Variants in ADCY8 observed in about 807,000 individuals in gnomAD.
ADCY8 encodes the protein adenylate cyclase type 8.
A neutral mutation model predicts 119.7 loss-of-function variants in ADCY8; 51 were observed. That is an observed-to-expected ratio of 0.43 (90% CI 0.34 to 0.54). The LOEUF is 0.54. Ranked by LOEUF, ADCY8 falls within the 20% of genes least tolerant of loss-of-function variation. ADCY8 has a pLI of 0.03. For missense variants in ADCY8, 1,383 were observed against 1,598.8 expected, an observed-to-expected ratio of 0.87 and a Z score of 2.30; for synonymous variants, 665 against 651.0, an observed-to-expected ratio of 1.02 and a Z score of -0.33.
intron 15 of ADCY8, among the ~76,000 whole-genome samples, chr8:130,798,415 G>A (rs1241844852): frequency 3.3e-5 from 5 of 152,178 alleles, no homozygotes; most frequent in Non-Finnish European, 7.3e-5. Flanking sequence ...TGGGGTAAGG[G>A]CGAGGATGGC....
intron 12 of ADCY8, among the ~76,000 whole-genome samples, chr8:130,831,062 C>T (rs992414756): frequency 6.6e-6 from 1 of 152,068 alleles, no homozygotes; most frequent in Non-Finnish European, 1.5e-5. Context: ...AGAAAAAAAC[C>T]ACATTAAATG....
chr8:130,872,753 G>C (rs144725174), intron 8 of ADCY8, among the ~76,000 whole-genome samples: 82 of 152,282 alleles, frequency 5.4e-4, no homozygotes, highest in African/African-American at 1.9e-3. Context: ...ACAAAAGACA[G>C]TAGATTTTAT....
rs1822606422 is a variant in ADCY8 at position 130,992,352 on chromosome 8, G to C, written c.961-1810C>G. Among the ~76,000 whole-genome samples the C allele has an allele frequency of 4.3e-5, 4 of 93,376 alleles. No homozygotes were observed. In the Admixed American group the frequency reaches 4.9e-4, roughly 11 times the overall value. The allele number at this position is 93,376 out of a possible 152,430, so 61.3% of individuals were successfully genotyped here. A position where few individuals can be genotyped will look rare whatever the true frequency, so the allele number is the denominator to read the frequency against. On this transcript the variant is annotated intron_variant, in intron 1 of 17. Coordinates refer to ENST00000286355, the MANE Select transcript of ADCY8 (RefSeq NM_001115.3). ...ATCCACCTTGACCTCTGAAAGTGCT[G>C]GGATTACATACATGAGCAACTGTAT...
At chr8:130,819,054 A>G (rs1283016086) in intron 13 of ADCY8, among the ~76,000 whole-genome samples, 3 of 152,224 alleles carry the variant, frequency 2.0e-5, no homozygotes, top group Non-Finnish European at 4.4e-5. Flanking sequence ...TTACAATTAT[A>G]TTCTCATATA....
intron 1 of ADCY8, among the ~76,000 whole-genome samples, chr8:131,005,356 T>G (rs1018162688): frequency 1.3e-5 from 2 of 152,210 alleles, no homozygotes; most frequent in African/African-American, 4.8e-5. Flanking sequence ...GCCTCCATAC[T>G]AAAGCACTGG....
At chr8:130,809,351 C>T (rs1200461788) in intron 14 of ADCY8, among the ~76,000 whole-genome samples, 1 of 152,168 alleles carries the variant, frequency 6.6e-6, no homozygotes, top group African/African-American at 2.4e-5. Context: ...ATAATAGTTC[C>T]TACCTCCTAT....
intron 8 of ADCY8, among the ~76,000 whole-genome samples, chr8:130,868,718 A>C (rs1203740257): frequency 2.0e-5 from 3 of 152,196 alleles, no homozygotes; most frequent in African/African-American, 7.2e-5. Context: ...AAGACCTTAG[A>C]ATTAGCCTAA....
At chr8:130,958,130 A>G (rs1271451743) in intron 2 of ADCY8, among the ~76,000 whole-genome samples, 1 of 152,190 alleles carries the variant, frequency 6.6e-6, no homozygotes, top group East Asian at 1.9e-4. Context: ...CATGTGGGAA[A>G]AGTGATGCTT....
At chr8:130,845,756 T>G in intron 11 of ADCY8, among the ~76,000 whole-genome samples, 1 of 152,124 alleles carries the variant, frequency 6.6e-6, no homozygotes, top group Admixed American at 6.5e-5. Flanking sequence ...TAGAGTCTAC[T>G]TTCTCCTCTA....
chr8:130,925,626 T>C (rs1820443267), intron 5 of ADCY8, among the ~76,000 whole-genome samples: 1 of 152,214 alleles, frequency 6.6e-6, no homozygotes, highest in African/African-American at 2.4e-5. Context: ...AGGCACTCTT[T>C]CAGGGAAGCT....
chr8:130,995,650 C>A (rs150181320), intron 1 of ADCY8, among the ~76,000 whole-genome samples: 1 of 151,966 alleles, frequency 6.6e-6, no homozygotes, highest in South Asian at 2.1e-4. Context: ...TCCTCTTCTT[C>A]GAACACTACT....
At chr8:130,837,625 G>A (rs1272875363) in intron 11 of ADCY8, among the ~76,000 whole-genome samples, 1 of 152,164 alleles carries the variant, frequency 6.6e-6, no homozygotes, top group Non-Finnish European at 1.5e-5. Flanking sequence ...GCCTTTTATG[G>A]GAAGCTCCCC....
At chr8:131,004,463 T>A (rs545527068) in intron 1 of ADCY8, among the ~76,000 whole-genome samples, 237 of 152,306 alleles carry the variant, frequency 1.6e-3, no homozygotes, top group Admixed American at 5.0e-3. Flanking sequence ...TCAAGCCTCA[T>A]CTTGGTCAAT....
intron 6 of ADCY8, 110 bp from the exon 7 acceptor site, chr8:130,904,152 G>A (rs936305130): frequency 3.6e-6 from 4 of 1,108,442 alleles, no homozygotes; most frequent in Non-Finnish European, 5.2e-6. Flanking sequence ...GTATTATTAG[G>A]ACATGTCCTC....
At chr8:130,847,901 A>G (rs1817382837) in intron 10 of ADCY8, among the ~76,000 whole-genome samples, 1 of 152,182 alleles carries the variant, frequency 6.6e-6, no homozygotes, top group African/African-American at 2.4e-5. Flanking sequence ...GAGGACTTGA[A>G]GAATCTGAAG....
At position 130,942,328 on chromosome 8, in the gene ADCY8, A is replaced by T. The variant is rs142183093; in HGVS notation, c.1353+1023T>A. 2.2e-3 allele frequency among the ~76,000 whole-genome samples: 342 copies of T among 152,308 alleles called. 1 individual carries two copies. Among genetic ancestry groups the T allele is most frequent in the Middle Eastern group, 6.8e-3 (2 of 294 alleles). The stretch of plus-strand genomic sequence containing the variant: ...CTCAGCTTAAGAGTCACTTTCTTCA[A>T]GAAGTCTTCTCTCATCTAAAGGTCA... On this transcript the variant is annotated intron_variant, in intron 4 of 17. Coordinates refer to ENST00000286355, the MANE Select transcript of ADCY8 (RefSeq NM_001115.3).
intron 6 of ADCY8, among the ~76,000 whole-genome samples, chr8:130,908,957 G>C (rs544791303): frequency 4.6e-5 from 7 of 151,286 alleles, no homozygotes; most frequent in African/African-American, 1.7e-4. Context: ...GCAGTTCTAG[G>C]GGGTAGGAAA....
chr8:130,865,649 T>C (rs1406732562), intron 9 of ADCY8, among the ~76,000 whole-genome samples: 1 of 152,180 alleles, frequency 6.6e-6, no homozygotes, highest in Non-Finnish European at 1.5e-5. Flanking sequence ...TGGTTCAGAG[T>C]TCTAGAAAGA....
At chr8:130,977,439 C>T (rs573434788) in intron 2 of ADCY8, among the ~76,000 whole-genome samples, 3 of 152,170 alleles carry the variant, frequency 2.0e-5, no homozygotes, top group Non-Finnish European at 4.4e-5. Flanking sequence ...TCTTTTCATA[C>T]TCCAAACATC....
Sources: gnomAD v4.1 joint callset for allele counts (sites outside exome capture counted in the v4.1 genomes callset) on GRCh38, gnomAD v4.1.1 for gene constraint, MANE v1.5 for transcripts, NCBI Gene and HGNC (gene_info 2026-07-23, HGNC 2026-07-21) for gene names.